Variants in HS6ST3 observed in about 807,000 individuals in gnomAD.
HS6ST3 encodes the protein heparan-sulfate 6-O-sulfotransferase 3.
In HS6ST3, 12 loss-of-function variants were observed where a neutral mutation model predicts 36.7. The ratio of observed to expected loss-of-function variants is 0.33; its 90% CI spans 0.21 to 0.53. The LOEUF (loss-of-function observed/expected upper bound fraction) is 0.53, where lower values mean the gene tolerates loss of function less well. HS6ST3 is among the 20% of genes least tolerant of loss of function. The pLI is 0.95. For missense variants in HS6ST3, 584 were observed against 640.9 expected (o/e 0.91, Z 0.96); for synonymous variants, 240 against 257.5 (o/e 0.93, Z 0.65).
At chr13:96,818,484 G>T (rs1337425941) in intron 1 of HS6ST3, among the ~76,000 whole-genome samples, 1 of 152,208 alleles carries the variant, frequency 6.6e-6, no homozygotes, top group Admixed American at 6.5e-5. Context: ...TACTAGCCCT[G>T]CTTGTTGTTC....
chr13:96,328,732 G>T (rs1388794122), intron 1 of HS6ST3, among the ~76,000 whole-genome samples: 1 of 152,070 alleles, frequency 6.6e-6, no homozygotes, highest in African/African-American at 2.4e-5. Context: ...TTTTCTATTG[G>T]TTGGAATAGT....
intron 1 of HS6ST3, among the ~76,000 whole-genome samples, chr13:96,395,155 C>T (rs2055414591): frequency 6.6e-6 from 1 of 152,004 alleles, no homozygotes; most frequent in Admixed American, 6.6e-5. Flanking sequence ...ATTCCTTTTT[C>T]CAGCACTGAG....
chr13:96,383,621 C>T (rs2055352654), intron 1 of HS6ST3, among the ~76,000 whole-genome samples: 1 of 152,148 alleles, frequency 6.6e-6, no homozygotes, highest in Admixed American at 6.5e-5. Context: ...TCTGCTCTTG[C>T]TTAGACCTTG....
At chr13:96,163,292 C>G (rs961332620) in intron 1 of HS6ST3, among the ~76,000 whole-genome samples, 2 of 137,568 alleles carry the variant, frequency 1.5e-5, no homozygotes, top group South Asian at 4.6e-4. Context: ...TGCAGTGGTG[C>G]CATCTCGGCT....
At chr13:96,329,908 G>T (rs1296884803) in intron 1 of HS6ST3, among the ~76,000 whole-genome samples, 1 of 147,614 alleles carries the variant, frequency 6.8e-6, no homozygotes, top group Non-Finnish European at 1.5e-5. Context: ...AGCTCTTCTT[G>T]TTGAATTGAT....
intron 1 of HS6ST3, among the ~76,000 whole-genome samples, chr13:96,759,839 G>T (rs1402162363): frequency 6.6e-6 from 1 of 151,910 alleles, no homozygotes; most frequent in African/African-American, 2.4e-5. Flanking sequence ...TACCAACCAT[G>T]GATGTGAAGG....
chr13:96,657,463 G>A (rs944246598), intron 1 of HS6ST3, among the ~76,000 whole-genome samples: 3 of 152,136 alleles, frequency 2.0e-5, no homozygotes, highest in Non-Finnish European at 2.9e-5. Context: ...CAAAGATGCA[G>A]TGAGCTGAGA....
At chr13:96,589,507 AT>A (rs2138974503) in intron 1 of HS6ST3, among the ~76,000 whole-genome samples, 1 of 151,610 alleles carries the variant, frequency 6.6e-6, no homozygotes, top group African/African-American at 2.4e-5. Context: ...AGTCTTTTAT[AT>A]TGTTTTTCTT....
intron 1 of HS6ST3, among the ~76,000 whole-genome samples, chr13:96,425,267 T>A (rs1191268292): frequency 6.6e-6 from 1 of 152,196 alleles, no homozygotes; most frequent in Admixed American, 6.5e-5. Flanking sequence ...AAGGAATAAA[T>A]ACATGTGAGC....
chr13:96,534,086 G>A (rs1416378853), intron 1 of HS6ST3, among the ~76,000 whole-genome samples: 2 of 152,170 alleles, frequency 1.3e-5, no homozygotes, highest in Non-Finnish European at 2.9e-5. Flanking sequence ...CAGACTCCAA[G>A]TTAGGGGGAA....
At chr13:96,493,276 C>T (rs1436282152) in intron 1 of HS6ST3, among the ~76,000 whole-genome samples, 1 of 152,196 alleles carries the variant, frequency 6.6e-6, no homozygotes, top group East Asian at 1.9e-4. Flanking sequence ...CCAGGAACCT[C>T]TATAATCATC....
At chr13:96,522,065 G>C (rs1322996720) in intron 1 of HS6ST3, among the ~76,000 whole-genome samples, 1 of 152,024 alleles carries the variant, frequency 6.6e-6, no homozygotes, top group African/African-American at 2.4e-5. Context: ...TGTTCTCATT[G>C]GTTTCAAAGA....
At chr13:96,652,158 GAT>G (rs1430412382) in intron 1 of HS6ST3, among the ~76,000 whole-genome samples, 1 of 151,724 alleles carries the variant, frequency 6.6e-6, no homozygotes, top group African/African-American at 2.4e-5. Context: ...CTACATATCT[GAT>G]ATGCATATAT....
intron 1 of HS6ST3, among the ~76,000 whole-genome samples, chr13:96,293,937 T>C (rs2054842308): frequency 6.6e-6 from 1 of 152,098 alleles, no homozygotes; most frequent in Non-Finnish European, 1.5e-5. Flanking sequence ...TTTTCAAGAG[T>C]CTCACAGTTG....
intron 1 of HS6ST3, among the ~76,000 whole-genome samples, chr13:96,739,627 A>C (rs1045968850): frequency 4.6e-5 from 7 of 152,118 alleles, no homozygotes; most frequent in Admixed American, 4.6e-4. Context: ...TGTCCAGTAC[A>C]TCCAGAATCG....
Position 96,676,413 on chromosome 13 carries a change from G to A in HS6ST3, c.708-156077G>A, listed in dbSNP as rs150346586. ...GGCAGAGCCACTTGAACCAGAAGTC[G>A]AATCTCAGGGTGAAAACACCATCAT... On this transcript the variant is annotated intron_variant, in intron 1 of 1. Transcript: ENST00000376705. 9.9e-5 allele frequency among the ~76,000 whole-genome samples: 15 copies of A among 152,166 alleles called. No homozygotes were observed. The East Asian group carries it at 1.7e-3, about 18-fold the overall frequency.
rs115285915 is a variant in HS6ST3, at chr13:96,789,457, A to G, written c.708-43033A>G. On this transcript the variant is annotated intron_variant, in intron 1 of 1. Coordinates refer to ENST00000376705, the MANE Select transcript of HS6ST3 (RefSeq NM_153456.4). ...TGGCTCAATCGTTCATATTTAAAGA[A>G]TAACATGAGAAAAATAGTCCATCAT... Among the ~76,000 whole-genome samples, 618 of 151,992 alleles carry G rather than the reference A, an allele frequency of 4.1e-3. 7 individuals carry two copies. The highest frequency in any genetic ancestry group is 0.014 in the African/African-American group (590 of 41,546).
rs35266831 is a variant in HS6ST3 at position 96,831,954 on chromosome 13, C to CAAAAAAAAAAAAAAAAAAAAAAAAAA, written c.708-535_708-510dup. 9.2e-5 allele frequency among the ~76,000 whole-genome samples: 2 copies of CAAAAAAAAAAAAAAAAAAAAAAAAAA among 21,854 alleles called. 1 individual carries two copies. Among genetic ancestry groups the CAAAAAAAAAAAAAAAAAAAAAAAAAA allele is most frequent in the African/African-American group, 3.7e-4 (2 of 5,426 alleles). The allele number at this position is 21,854 out of a possible 152,430, so 14.3% of individuals were successfully genotyped here. On this transcript the variant is annotated intron_variant, in intron 1 of 1. Transcript: ENST00000376705. ...TGGGTGACAGAGCAAGACTCCCTCT[C>CAAAAAAAAAAAAAAAAAAAAAAAAAA]AAAAAAAAAAAAAAAAAAAAAAAAA...
At chr13:96,358,869 A>AATCTATCT (rs58185989) in intron 1 of HS6ST3, among the ~76,000 whole-genome samples, 2,807 of 147,596 alleles carry the variant, frequency 0.019, 41 homozygotes, top group Admixed American at 0.022. Flanking sequence ...GTATATATAT[A>AATCTATCT]ATCTATCTAT....
Sources: allele counts gnomAD v4.1 joint callset (sites outside exome capture counted in the v4.1 genomes callset), GRCh38; gene constraint gnomAD v4.1.1; transcripts MANE v1.5; gene names NCBI Gene and HGNC (gene_info 2026-07-23, HGNC 2026-07-21).